Variants in A1CF observed in about 807,000 individuals in gnomAD.
A1CF encodes the protein APOBEC1 complementation factor.
A neutral mutation model predicts 68.9 loss-of-function variants in A1CF; 48 were observed. The ratio of observed to expected loss-of-function variants is 0.70; its 90% CI spans 0.55 to 0.89. A1CF has a LOEUF of 0.89. Ranked by LOEUF, A1CF falls within the 40% of genes least tolerant of loss-of-function variation. A1CF has a pLI of 0.00. For missense variants in A1CF, 653 were observed against 718.9 expected (o/e 0.91, Z 1.05); for synonymous variants, 272 against 260.4 (o/e 1.04, Z -0.43).
rs188443169 is a variant in A1CF at position 50,882,282 on chromosome 10, A to G, written c.-94+3299T>C. On this transcript the variant is annotated intron_variant, in intron 1 of 12. Coordinates refer to ENST00000373997, the MANE Select transcript of A1CF (RefSeq NM_014576.4). ...GAAACCCCGTCTCTACTAAAAATAC[A>G]AAAGTTAGCCTGGCATGGTGGCGTG... Among the ~76,000 whole-genome samples, 30 of 152,148 alleles carry G rather than the reference A, an allele frequency of 2.0e-4. No individual in the cohort carries two copies. The East Asian group carries it at 4.9e-3, about 25-fold the overall frequency.
intron 1 of A1CF, among the ~76,000 whole-genome samples, chr10:50,864,488 C>G (rs557133416): frequency 2.6e-5 from 4 of 152,164 alleles, no homozygotes; most frequent in Non-Finnish European, 5.9e-5. Flanking sequence ...TCCTCTAGTT[C>G]TTACAGCTTC....
chr10:50,873,978 GTGTATATA>G lies in A1CF; in HGVS notation c.-93-9906_-93-9899del, dbSNP rs570976926. The stretch of plus-strand genomic sequence containing the variant: ...TTTATTATAATTTTAATATGTGTTT[GTGTATATA>G]TGTATATATCTGTGTATATGCACAT... On this transcript the variant is annotated intron_variant, in intron 1 of 12. Transcript: ENST00000373997. Among the ~76,000 whole-genome samples, 1,424 of 152,176 alleles carry G rather than the reference GTGTATATA, an allele frequency of 9.4e-3. 26 individuals carry two copies. The highest frequency in any genetic ancestry group is 0.032 in the African/African-American group (1,347 of 41,518).
At chr10:50,866,894 A>G (rs1385883655) in intron 1 of A1CF, among the ~76,000 whole-genome samples, 1 of 152,138 alleles carries the variant, frequency 6.6e-6, no homozygotes, top group African/African-American at 2.4e-5. Flanking sequence ...TTTTTAAAAG[A>G]AAATAGAGAT....
chr10:50,847,770 T>G (rs1237571101), intron 3 of A1CF, among the ~76,000 whole-genome samples: 1 of 152,156 alleles, frequency 6.6e-6, no homozygotes, highest in East Asian at 1.9e-4. Flanking sequence ...ATGGTTTCCC[T>G]TACTAAAATT....
rs1000808491 is a variant in A1CF at position 50,801,881 on chromosome 10, C to G, written c.*4848G>C. 1 of 152,116 alleles carries G rather than the reference C, an allele frequency of 6.6e-6. No individual in the cohort carries two copies. Among genetic ancestry groups the G allele is most frequent in the Non-Finnish European group, 1.5e-5 (1 of 68,022 alleles). The allele number at this position is 152,116 out of a possible 1,614,324, so 9.4% of individuals were successfully genotyped here. ...GTGAGAGTACAAGGTTTTCTTTTAG[C>G]TTTCCTACAAAACCAAGGAGAACTG... On this transcript the variant is annotated 3_prime_UTR_variant, in exon 13 of 13. Coordinates refer to ENST00000373997, the MANE Select transcript of A1CF (RefSeq NM_014576.4).
At chr10:50,844,147 G>A (rs755354245) in intron 3 of A1CF, 25 bp from the exon 4 acceptor site, 30 of 1,598,570 alleles carry the variant, frequency 1.9e-5, no homozygotes, top group Middle Eastern at 3.3e-4. Context: ...CAGGTGTGAA[G>A]GAGAGGAGAA....
chr10:50,821,546 T>TG (rs1344816590), intron 7 of A1CF, among the ~76,000 whole-genome samples: 1 of 152,036 alleles, frequency 6.6e-6, no homozygotes, highest in East Asian at 1.9e-4. Context: ...GACCTATTTT[T>TG]TTTTTTCAGA....
At chr10:50,828,633 A>G (rs1839086559) in intron 6 of A1CF, among the ~76,000 whole-genome samples, 1 of 152,094 alleles carries the variant, frequency 6.6e-6, no homozygotes, top group Non-Finnish European at 1.5e-5. Flanking sequence ...AGATAGCACA[A>G]GGGAGATAGG....
chr10:50,878,468 C>A (rs1328563323), intron 1 of A1CF, among the ~76,000 whole-genome samples: 1 of 152,168 alleles, frequency 6.6e-6, no homozygotes, highest in Non-Finnish European at 1.5e-5. Flanking sequence ...CAGTAATTTG[C>A]CTAGAGTTAA....
rs371080517 is a variant in A1CF at position 50,812,251 on chromosome 10, G to A, written c.1324-1075C>T. Among the ~76,000 whole-genome samples the A allele has an allele frequency of 3.2e-4, 49 of 152,296 alleles. 2 individuals carry two copies. The East Asian group carries it at 5.6e-3, about 17-fold the overall frequency. On this transcript the variant is annotated intron_variant, in intron 10 of 12. Transcript: ENST00000373997. ...GCAAACCTGGGCGGAAGGAACACCA[G>A]CTCTCACTGCTGACTTTGCAGGAAA... is the stretch of plus-strand genomic sequence containing the variant.
At chr10:50,870,909 T>C (rs1028232820) in intron 1 of A1CF, among the ~76,000 whole-genome samples, 29 of 151,794 alleles carry the variant, frequency 1.9e-4, no homozygotes, top group African/African-American at 7.0e-4. Flanking sequence ...ATGGGATCAC[T>C]ACAAAAATAT....
chr10:50,810,692 A>G (rs949492567), intron 11 of A1CF, among the ~76,000 whole-genome samples: 26 of 152,170 alleles, frequency 1.7e-4, no homozygotes, highest in African/African-American at 6.0e-4. Context: ...TTGTATTTTT[A>G]GTAGAGACGG....
intron 1 of A1CF, among the ~76,000 whole-genome samples, chr10:50,881,832 C>A (rs1302337721): frequency 6.6e-6 from 1 of 152,182 alleles, no homozygotes; most frequent in Non-Finnish European, 1.5e-5. Flanking sequence ...ATCTTACATC[C>A]TTATTAGTAT....
intron 5 of A1CF, among the ~76,000 whole-genome samples, chr10:50,840,586 A>G (rs1482709865): frequency 6.6e-6 from 1 of 152,224 alleles, no homozygotes; most frequent in African/African-American, 2.4e-5. Context: ...TCATGATGTC[A>G]GTTTTATTTC....
intron 7 of A1CF, chr10:50,824,674 G>A (rs878975795): frequency 6.6e-6 from 1 of 152,184 alleles, no homozygotes; most frequent in Admixed American, 6.6e-5. Flanking sequence ...AGGAAAGACA[G>A]TTGAATGAAT....
intron 1 of A1CF, among the ~76,000 whole-genome samples, chr10:50,880,393 T>C (rs753004186): frequency 2.6e-5 from 4 of 152,212 alleles, no homozygotes; most frequent in Non-Finnish European, 5.9e-5. Flanking sequence ...CCTATGTGCC[T>C]GGCATGTGGC....
In A1CF at chr10:50,803,488, A is replaced by G. The variant is rs929156098; in HGVS notation, c.*3241T>C. ...TTCCCCAAACATAGTGTTGTTTGGCATGATACCAGATTGGAGGATATCCTA... is the reference window on the plus strand; with the variant it reads ...TTCCCCAAACATAGTGTTGTTTGGCGTGATACCAGATTGGAGGATATCCTA... On this transcript the variant is annotated 3_prime_UTR_variant, in exon 13 of 13. Transcript: ENST00000373997. 4 of 152,198 alleles carry G rather than the reference A, an allele frequency of 2.6e-5. No homozygotes were observed. The highest frequency in any genetic ancestry group is 5.9e-5 in the Non-Finnish European group (4 of 68,050). The allele number at this position is 152,198 out of a possible 1,614,324, so 9.4% of individuals were successfully genotyped here.
rs1839893727 is a variant in A1CF at position 50,844,069 on chromosome 10, G to A, written c.153C>T (p.Pro51=). The A allele has an allele frequency of 2.5e-6, 4 of 1,613,512 alleles. No individual in the cohort carries two copies. The East Asian group carries it at 8.9e-5, about 36-fold the overall frequency. Residue 51 remains proline, a synonymous_variant, in exon 4 of 13, where the codon CCC becomes CCT. Coordinates refer to ENST00000373997, the MANE Select transcript of A1CF (RefSeq NM_014576.4). The part of the protein sequence containing the change: ...GGPPPGWDAA[P]PERGCEIFIG... The stretch of plus-strand genomic sequence containing the variant: ...TAAAAATTTCACAGCCCCTTTCAGG[G>A]GGTGCAGCATCCCAACCAGGTGGAG...
chr10:50,852,426 C>CTAGTAG (rs1302113247), intron 3 of A1CF, among the ~76,000 whole-genome samples: 1 of 152,140 alleles, frequency 6.6e-6, no homozygotes, highest in Non-Finnish European at 1.5e-5. Flanking sequence ...GCATCTCTGG[C>CTAGTAG]TAGTAGAAGT....
Sources: gnomAD v4.1 joint callset for allele counts (sites outside exome capture counted in the v4.1 genomes callset) on GRCh38, gnomAD v4.1.1 for gene constraint, MANE v1.5 for transcripts, NCBI Gene and HGNC (gene_info 2026-07-23, HGNC 2026-07-21) for gene names.